The following FRY variants were observed in gnomAD, a reference collection of about 807,000 sequenced individuals.
FRY encodes the protein protein furry homolog.
In FRY, 128 loss-of-function variants were observed where a neutral mutation model predicts 348.4. The ratio of observed to expected loss-of-function variants is 0.37; its 90% CI spans 0.32 to 0.43. The LOEUF (loss-of-function observed/expected upper bound fraction) is 0.43. FRY is among the 20% of genes least tolerant of loss of function. The probability of loss-of-function intolerance (pLI) is 1.00; values close to 1 mark genes in which losing one functional copy is unlikely to be tolerated. For missense variants in FRY, 2,736 were observed against 3,695.2 expected, an observed-to-expected ratio of 0.74 and a Z score of 6.73; for synonymous variants, 1,370 against 1,374.7, an observed-to-expected ratio of 1.00 and a Z score of 0.08.
At chr13:32,139,503 C>T (rs146055052) in intron 11 of FRY, among the ~76,000 whole-genome samples, 7 of 152,322 alleles carry the variant, frequency 4.6e-5, no homozygotes, top group Middle Eastern at 3.4e-3. Context: ...TGTGCGTGAG[C>T]GTGAAAACCT....
At chr13:32,035,737 G>A (rs1288249015) in intron 1 of FRY, among the ~76,000 whole-genome samples, 2 of 152,270 alleles carry the variant, frequency 1.3e-5, no homozygotes, top group East Asian at 1.9e-4. Flanking sequence ...CTACACCATC[G>A]AGGGAAACTT....
intron 17 of FRY, among the ~76,000 whole-genome samples, chr13:32,170,261 T>C (rs1196779087): frequency 1.3e-5 from 2 of 152,236 alleles, no homozygotes; most frequent in Non-Finnish European, 2.9e-5. Context: ...TAGCCAGTGA[T>C]GTATTAAAAA....
intron 1 of FRY, among the ~76,000 whole-genome samples, chr13:32,074,072 C>CTATTCAT (rs1444591813): frequency 2.6e-5 from 4 of 152,098 alleles, no homozygotes; most frequent in Admixed American, 6.5e-5. Flanking sequence ...TCAAAAAGAT[C>CTATTCAT]ATCAGTCTGA....
At chr13:32,225,567 A>G (rs998498349) in intron 38 of FRY, among the ~76,000 whole-genome samples, 4 of 152,240 alleles carry the variant, frequency 2.6e-5, no homozygotes, top group African/African-American at 9.6e-5. Flanking sequence ...GAGGTCAAGA[A>G]AAGTTCATCT....
intron 42 of FRY, 98 bp downstream of exon 42, chr13:32,234,859 C>G: frequency 1.0e-6 from 1 of 964,784 alleles, no homozygotes; most frequent in Non-Finnish European, 1.7e-6. Flanking sequence ...AACAATTATT[C>G]CAGCCATCTG....
At chr13:32,071,114 G>T (rs958170798) in intron 1 of FRY, among the ~76,000 whole-genome samples, 1 of 152,148 alleles carries the variant, frequency 6.6e-6, no homozygotes, top group African/African-American at 2.4e-5. Context: ...GGTTACTGTA[G>T]CCTTGTAATA....
chr13:32,218,893 A>T (rs1195353488), intron 36 of FRY, 62 bp downstream of exon 36: 6 of 915,854 alleles, frequency 6.6e-6, no homozygotes, highest in African/African-American at 3.3e-5. Flanking sequence ...ATGGAAAATG[A>T]GTGTTCTGAT....
At chr13:32,271,202 T>G (rs7331819) in intron 55 of FRY, among the ~76,000 whole-genome samples, 13,728 of 152,194 alleles carry the variant, frequency 0.09, 821 homozygotes, top group East Asian at 0.25. Flanking sequence ...AGGAGTACAG[T>G]GAAGTCAGAC....
chr13:32,096,196 A>G (rs1009465505), intron 2 of FRY, among the ~76,000 whole-genome samples: 2 of 152,054 alleles, frequency 1.3e-5, no homozygotes, highest in African/African-American at 4.8e-5. Context: ...GATAAAATCT[A>G]TGTTGATGCA....
chr13:32,044,163 A>G (rs543729476), intron 1 of FRY, among the ~76,000 whole-genome samples: 77 of 152,286 alleles, frequency 5.1e-4, no homozygotes, highest in Admixed American at 9.2e-4. Flanking sequence ...CTATCCAACA[A>G]TAGTAGATGA....
chr13:32,115,352 C>T (rs1878232882), intron 3 of FRY, among the ~76,000 whole-genome samples: 1 of 152,086 alleles, frequency 6.6e-6, no homozygotes, highest in African/African-American at 2.4e-5. Flanking sequence ...CTTCTCAGGC[C>T]GAGATCACAG....
intron 4 of FRY, among the ~76,000 whole-genome samples, chr13:32,121,661 T>C (rs1367406660): frequency 6.6e-6 from 1 of 152,224 alleles, no homozygotes; most frequent in Non-Finnish European, 1.5e-5. Flanking sequence ...GGCATTCATT[T>C]TAGATTCTAG....
chr13:32,110,328 T>G (rs1253242848), intron 3 of FRY, among the ~76,000 whole-genome samples: 31 of 152,178 alleles, frequency 2.0e-4, no homozygotes. Context: ...TCAAGTGGTT[T>G]TCTTCGTTGT....
In FRY at chr13:32,249,795, A is replaced by T. The variant is rs929575926; in HGVS notation, c.7170+108A>T. The T allele has an allele frequency of 4.3e-6, 4 of 934,978 alleles. No individual in the cohort carries two copies. In the African/African-American group the frequency reaches 6.5e-5, roughly 15 times the overall value. 57.9% of individuals were successfully genotyped at this position (934,978 alleles called of 1,614,324 possible). ...CTCACCATCCCAAGGTTGCCCATAT[A>T]GGTCTCAGCACTTCCAGGGATGGGG... On this transcript the variant is annotated intron_variant, in intron 49 of 60. Coordinates refer to ENST00000542859, the MANE Select transcript of FRY (RefSeq NM_023037.3).
Position 32,237,506 on chromosome 13 carries a change from C to T in FRY, c.5938C>T (p.Arg1980Ter), listed in dbSNP as rs1054081832. The T allele has an allele frequency of 1.2e-6, 2 of 1,614,162 alleles. No homozygotes were observed. Among genetic ancestry groups the T allele is most frequent in the Non-Finnish European group, 1.7e-6 (2 of 1,180,036 alleles). The change falls in exon 44 of 61, where the codon CGA (arginine) becomes TGA (stop). Residue 1980 changes from arginine to a stop codon, truncating the protein, a stop_gained. Transcript: ENST00000542859. LOFTEE classifies it high-confidence loss of function. This position sits in a 1 kb window ranked among gnomAD's most constrained non-coding sequence, Gnocchi z 6.3. ...TATAERSRHQ[R>*]SFSVPKKFGV... Reference sequence around the variant, plus strand: ...AACTGCCGAACGGAGCCGGCATCAACGAAGCTTCTCTGTGCCCAAGAAGTT... The same window carrying T: ...AACTGCCGAACGGAGCCGGCATCAATGAAGCTTCTCTGTGCCCAAGAAGTT...
intron 30 of FRY, 85 bp downstream of exon 30, chr13:32,202,125 T>C (rs1884064885): frequency 2.3e-6 from 2 of 880,442 alleles, no homozygotes; most frequent in East Asian, 2.4e-5. Flanking sequence ...TAGCTGTTTA[T>C]TGATAGGCCT....
chr13:32,244,220 T>C (rs1566163289), intron 47 of FRY, 38 bp downstream of exon 47: 1 of 1,592,032 alleles, frequency 6.3e-7, no homozygotes, highest in South Asian at 1.1e-5. Flanking sequence ...AACCAGTCGT[T>C]CTAAAAAGAT....
At chr13:32,152,323 T>G (rs1467243691) in intron 14 of FRY, among the ~76,000 whole-genome samples, 3 of 152,122 alleles carry the variant, frequency 2.0e-5, no homozygotes, top group Admixed American at 6.6e-5. Context: ...CATAATTTTG[T>G]AAAAGAAGAA....
At position 32,060,217 on chromosome 13, in the gene FRY, C is replaced by A. The variant is rs188504986; in HGVS notation, c.71-18617C>A. ...AATAATGCCCATAGAAAGATCAATT[C>A]GTTACACTTTTGTTTTTAAGTAACT... On this transcript the variant is annotated intron_variant, in intron 1 of 60. Coordinates refer to ENST00000542859, the MANE Select transcript of FRY (RefSeq NM_023037.3). Among the ~76,000 whole-genome samples the A allele has an allele frequency of 7.2e-5, 11 of 152,296 alleles. No homozygotes were observed. The South Asian group carries it at 1.0e-3, about 14-fold the overall frequency.
Sources: gnomAD v4.1 joint callset for allele counts (sites outside exome capture counted in the v4.1 genomes callset) on GRCh38, gnomAD v4.1.1 for gene constraint, Gnocchi (gnomAD v3.1) non-coding constraint, MANE v1.5 for transcripts, NCBI Gene and HGNC (gene_info 2026-07-23, HGNC 2026-07-21) for gene names.